Variants in CACNA2D1 observed in about 807,000 individuals in gnomAD.
The protein encoded by CACNA2D1 is calcium voltage-gated channel auxiliary subunit alpha2delta 1, also known as voltage-dependent calcium channel subunit alpha-2/delta-1.
In CACNA2D1, 53 loss-of-function variants were observed where a neutral mutation model predicts 171.5. The observed-to-expected ratio is 0.31, with a 90% CI of 0.25 to 0.39. The LOEUF (loss-of-function observed/expected upper bound fraction) is 0.39. Among genes scored for constraint, CACNA2D1 ranks in the 10% least tolerant of loss-of-function variants. The probability of loss-of-function intolerance (pLI) is 1.00; values close to 1 mark genes in which losing one functional copy is unlikely to be tolerated. For synonymous variants in CACNA2D1, 442 were observed against 443.1 expected (o/e 1.00, Z 0.03); for missense variants, 903 against 1,299.8 (o/e 0.69, Z 4.69).
chr7:82,364,943 G>A (rs1245394460), intron 1 of CACNA2D1, among the ~76,000 whole-genome samples: 3 of 152,192 alleles, frequency 2.0e-5, no homozygotes, highest in Non-Finnish European at 2.9e-5. Flanking sequence ...ATAAAGCTAG[G>A]AAACCCAGGG....
rs559646112 is a variant in CACNA2D1, at chr7:82,261,528, G to T, written c.294+73607C>A. On this transcript the variant is annotated intron_variant, in intron 3 of 38. Transcript: ENST00000356860. The stretch of plus-strand genomic sequence containing the variant: ...ATAAGTATTAACGAGAAGGCGTGTT[G>T]TCTTTTTAAGGATTCCTAATACCAC... Among the ~76,000 whole-genome samples, 43 of 152,262 alleles carry T rather than the reference G, an allele frequency of 2.8e-4. 1 individual carries two copies. In the South Asian group the frequency reaches 8.9e-3, roughly 32 times the overall value.
At chr7:82,144,657 T>A (rs1259039554) in intron 4 of CACNA2D1, among the ~76,000 whole-genome samples, 1 of 152,012 alleles carries the variant, frequency 6.6e-6, no homozygotes, top group African/African-American at 2.4e-5. Context: ...TTCTAACATT[T>A]CTCTAATGAA....
chr7:81,986,387 A>G (rs1436557045), intron 21 of CACNA2D1, among the ~76,000 whole-genome samples: 1 of 151,982 alleles, frequency 6.6e-6, no homozygotes, highest in African/African-American at 2.4e-5. Context: ...TAATAATTTC[A>G]ACTTTTAGAT....
chr7:81,977,603 A>G (rs1795982180), intron 24 of CACNA2D1, among the ~76,000 whole-genome samples: 1 of 152,210 alleles, frequency 6.6e-6, no homozygotes, highest in Admixed American at 6.5e-5. Flanking sequence ...AGTGGATTAA[A>G]GACTTAAATG....
chr7:82,086,298 C>A (rs1035063678), intron 6 of CACNA2D1, among the ~76,000 whole-genome samples: 7 of 152,104 alleles, frequency 4.6e-5, no homozygotes, highest in Admixed American at 2.6e-4. Context: ...AAAAAGAAAT[C>A]AACAAAAACA....
chr7:82,079,222 T>G (rs1809381591), intron 7 of CACNA2D1, among the ~76,000 whole-genome samples: 1 of 152,208 alleles, frequency 6.6e-6, no homozygotes, highest in East Asian at 1.9e-4. Flanking sequence ...CCAAACAGAT[T>G]TAATGCTTCT....
intron 6 of CACNA2D1, among the ~76,000 whole-genome samples, chr7:82,105,964 G>T (rs982171509): frequency 6.6e-6 from 1 of 152,034 alleles, no homozygotes; most frequent in Non-Finnish European, 1.5e-5. Flanking sequence ...TATAACTCAG[G>T]TAGTATTTTT....
At chr7:82,022,895 T>G (rs577146550) in intron 12 of CACNA2D1, among the ~76,000 whole-genome samples, 33 of 152,082 alleles carry the variant, frequency 2.2e-4, no homozygotes, top group Admixed American at 3.9e-4. Context: ...TTTTCTCATT[T>G]GTTCTCATTC....
intron 34 of CACNA2D1, 112 bp from the exon 35 acceptor site, chr7:81,962,607 G>A (rs1794274960): frequency 4.2e-6 from 3 of 715,440 alleles, no homozygotes; most frequent in South Asian, 3.3e-5. Flanking sequence ...AGAAAGTCTT[G>A]GAGTGTTTTT....
chr7:82,023,767 C>T (rs1801546276), intron 12 of CACNA2D1: 1 of 151,712 alleles, frequency 6.6e-6, no homozygotes, highest in Admixed American at 6.6e-5. Flanking sequence ...ATCTCTGGAG[C>T]TTATTCATCT....
chr7:82,367,091 G>A (rs974812811), intron 1 of CACNA2D1, among the ~76,000 whole-genome samples: 1 of 151,268 alleles, frequency 6.6e-6, no homozygotes, highest in Admixed American at 6.6e-5. Flanking sequence ...TTAATTTTTT[G>A]TAGTGACAGG....
At chr7:81,989,237 G>A (rs1423711403) in intron 21 of CACNA2D1, among the ~76,000 whole-genome samples, 1 of 152,140 alleles carries the variant, frequency 6.6e-6, no homozygotes, top group Non-Finnish European at 1.5e-5. Context: ...CAGAGCTGAC[G>A]GTCAGTAAGG....
chr7:82,349,303 AG>A (rs1326228179), intron 2 of CACNA2D1, among the ~76,000 whole-genome samples: 17 of 152,278 alleles, frequency 1.1e-4, no homozygotes, highest in Admixed American at 3.9e-4. Context: ...AAATTTACGG[AG>A]AGTATACATA....
Position 82,138,440 on chromosome 7 carries a change from GTTTTTTTTGT to G in CACNA2D1, c.355-1774_355-1765del, listed in dbSNP as rs1201347583. Among the ~76,000 whole-genome samples the G allele has an allele frequency of 2.1e-3, 203 of 95,368 alleles. 1 individual carries two copies. Among genetic ancestry groups the G allele is most frequent in the South Asian group, 9.5e-3 (28 of 2,960 alleles). The allele number at this position is 95,368 out of a possible 152,430, so 62.6% of individuals were successfully genotyped here. A position where few individuals can be genotyped will look rare whatever the true frequency, so the allele number is the denominator to read the frequency against. On this transcript the variant is annotated intron_variant, in intron 4 of 38. Coordinates refer to ENST00000356860, the MANE Select transcript of CACNA2D1 (RefSeq NM_000722.4). The stretch of plus-strand genomic sequence containing the variant: ...TTATAGCATTAGTTTTGTTTTTTTT[GTTTTTTTTGT>G]TTTTTTTTTTTTTTGAGACAGAGTG...
At chr7:82,093,696 T>C (rs578005773) in intron 6 of CACNA2D1, among the ~76,000 whole-genome samples, 1 of 152,248 alleles carries the variant, frequency 6.6e-6, no homozygotes, top group African/African-American at 2.4e-5. Context: ...CAAACCACAC[T>C]GATGAATGCT....
At chr7:81,953,579 T>C (rs898231318) in intron 38 of CACNA2D1, among the ~76,000 whole-genome samples, 1 of 151,958 alleles carries the variant, frequency 6.6e-6, no homozygotes, top group Admixed American at 6.6e-5. Context: ...AAATACTTTA[T>C]ATAAATGTAT....
chr7:82,350,560 G>A (rs565221165), intron 1 of CACNA2D1, among the ~76,000 whole-genome samples: 4 of 152,292 alleles, frequency 2.6e-5, no homozygotes, highest in South Asian at 4.1e-4. Context: ...AGCTACTCAG[G>A]AGGCTGAGAC....
Position 81,950,157 on chromosome 7 carries a change from TTTG to T in CACNA2D1, c.*232_*234del. 1 of 627,394 alleles carries T rather than the reference TTTG, an allele frequency of 1.6e-6. No homozygotes were observed. The highest frequency in any genetic ancestry group is 2.7e-6 in the Non-Finnish European group (1 of 372,088). 38.9% of individuals were successfully genotyped at this position (627,394 alleles called of 1,614,324 possible). A position where few individuals can be genotyped will look rare whatever the true frequency, so the allele number is the denominator to read the frequency against. On this transcript the variant is annotated 3_prime_UTR_variant, in exon 39 of 39. Coordinates refer to ENST00000356860, the MANE Select transcript of CACNA2D1 (RefSeq NM_000722.4). ...TTCCAATAGAGGACACGTATAGGAT[TTTG>T]CTTTGATGTTACACATAGATGATGC...
intron 24 of CACNA2D1, among the ~76,000 whole-genome samples, chr7:81,980,029 G>A (rs1477699059): frequency 6.6e-6 from 1 of 151,662 alleles, no homozygotes; most frequent in Non-Finnish European, 1.5e-5. Flanking sequence ...GCGTATACCA[G>A]TGAAGAAAGG....
Sources: allele counts gnomAD v4.1 joint callset (sites outside exome capture counted in the v4.1 genomes callset), GRCh38; gene constraint gnomAD v4.1.1; transcripts MANE v1.5; gene names NCBI Gene and HGNC (gene_info 2026-07-23, HGNC 2026-07-21).